Variants in CIMAP2 observed in about 807,000 individuals in gnomAD.
CIMAP2 encodes the protein ciliary microtubule associated protein 2.
the CIMAP2 span, chr1:54,841,946 A>G: frequency 1.7e-4 from 246 of 1,438,184 alleles, no homozygotes; most frequent in African/African-American, 3.1e-3. Flanking sequence ...GGGTGACAGC[A>G]TGGGCATGGG....
the CIMAP2 span, among the ~76,000 whole-genome samples, chr1:54,831,862 CT>C: frequency 2.6e-5 from 4 of 151,386 alleles, no homozygotes; most frequent in South Asian, 4.2e-4. Flanking sequence ...TAACCATGAA[CT>C]TTTTTTTTGA....
the CIMAP2 span, among the ~76,000 whole-genome samples, chr1:54,815,781 G>A: frequency 6.6e-6 from 1 of 152,014 alleles, no homozygotes; most frequent in Non-Finnish European, 1.5e-5. Flanking sequence ...CATAATGGCC[G>A]TAACTATCCC....
At chr1:54,811,673 C>G in the CIMAP2 span, 27,499 of 1,130,798 alleles carry the variant, frequency 0.024, 448 homozygotes, top group Non-Finnish European at 0.029. Context: ...AGGTAGCAAG[C>G]GGACACCCTG....
the CIMAP2 span, among the ~76,000 whole-genome samples, chr1:54,822,011 G>A: frequency 3.2e-5 from 4 of 124,300 alleles, 1 homozygote; most frequent in African/African-American, 5.9e-5. Context: ...CCATTCTCCC[G>A]CCTCAGCCTC....
chr1:54,808,642 A>G, the CIMAP2 span, among the ~76,000 whole-genome samples: 1 of 135,272 alleles, frequency 7.4e-6, no homozygotes. Flanking sequence ...CTTTGACAGG[A>G]AGAGGACCTA....
At chr1:54,811,773 G>GGGGGGGGCGCCCCCCCCCCCCCCCC in the CIMAP2 span, 2 of 1,325,050 alleles carry the variant, frequency 1.5e-6, no homozygotes, top group South Asian at 1.3e-5. Flanking sequence ...CAGCCTCCAT[G>GGGGGGGGCGCCCCCCCCCCCCCCCC]CCCCCACCCC....
At chr1:54,811,765 G>GGGGGGGGGGGGGGGGGGGGGGGCCCCCCC in the CIMAP2 span, 1 of 1,301,332 alleles carries the variant, frequency 7.7e-7, no homozygotes. Flanking sequence ...GGTTCTGACA[G>GGGGGGGGGGGGGGGGGGGGGGGCCCCCCC]CCTCCATGCC....
chr1:54,808,390 T>TTGCAATGTCTCCGCATTG, the CIMAP2 span, among the ~76,000 whole-genome samples: 4 of 152,120 alleles, frequency 2.6e-5, no homozygotes, highest in African/African-American at 9.7e-5. Flanking sequence ...CAACGGAGAC[T>TTGCAATGTCTCCGCATTG]TGCAATGTCT....
the CIMAP2 span, among the ~76,000 whole-genome samples, chr1:54,823,285 C>G: frequency 1.3e-5 from 2 of 151,006 alleles, no homozygotes; most frequent in African/African-American, 4.9e-5. Flanking sequence ...TTGTTATATT[C>G]TTTTGATAAA....
the CIMAP2 span, chr1:54,806,120 AGG>A: frequency 6.5e-7 from 1 of 1,536,142 alleles, no homozygotes; most frequent in Admixed American, 2.0e-5. Context: ...GCCTGCCATG[AGG>A]GAAAGCCAGG....
the CIMAP2 span, among the ~76,000 whole-genome samples, chr1:54,834,836 A>G: frequency 3.3e-5 from 5 of 152,222 alleles, no homozygotes; most frequent in African/African-American, 1.2e-4. Flanking sequence ...TCGGTGCTCA[A>G]AAAGTTTTAG....
the CIMAP2 span, among the ~76,000 whole-genome samples, chr1:54,837,639 G>T: frequency 6.6e-6 from 1 of 152,134 alleles, no homozygotes. Flanking sequence ...CCCACTGGTT[G>T]GGGAGTAGTG....
At chr1:54,815,185 C>T in the CIMAP2 span, 12 of 1,219,384 alleles carry the variant, frequency 9.8e-6, no homozygotes, top group African/African-American at 9.2e-5. Context: ...GAGGTCCACT[C>T]CCACTGTCTT....
chr1:54,819,738 G>C, the CIMAP2 span, among the ~76,000 whole-genome samples: 1 of 150,602 alleles, frequency 6.6e-6, no homozygotes, highest in Non-Finnish European at 1.5e-5. Flanking sequence ...GGCAGGAGTT[G>C]GCAAGTGTCT....
At chr1:54,810,860 C>T in the CIMAP2 span, among the ~76,000 whole-genome samples, 1 of 152,296 alleles carries the variant, frequency 6.6e-6, no homozygotes, top group East Asian at 1.9e-4. Flanking sequence ...TGCCAGTGTC[C>T]ACTCTGTGCC....
At chr1:54,817,058 C>T in the CIMAP2 span, 282 of 1,614,072 alleles carry the variant, frequency 1.7e-4, 1 homozygote, top group Non-Finnish European at 2.2e-4. Flanking sequence ...GCAGCGATAT[C>T]GATCCCTATT....
chr1:54,815,598 C>A, the CIMAP2 span, among the ~76,000 whole-genome samples: 1 of 152,092 alleles, frequency 6.6e-6, no homozygotes, highest in Non-Finnish European at 1.5e-5. Flanking sequence ...CCCAAGTGTG[C>A]GATGTATCTT....
At chr1:54,828,642 TTTTC>T in the CIMAP2 span, among the ~76,000 whole-genome samples, 461 of 152,288 alleles carry the variant, frequency 3.0e-3, 1 homozygote, top group African/African-American at 0.011. Flanking sequence ...GATCCCATTC[TTTTC>T]TTTCTTTTTT....
chr1:54,814,820 G>A, the CIMAP2 span: 3 of 1,552,204 alleles, frequency 1.9e-6, no homozygotes, highest in Non-Finnish European at 2.6e-6. Context: ...TGCTGGATGG[G>A]TGGAGTCAGC....
Sources: allele counts gnomAD v4.1 joint callset (sites outside exome capture counted in the v4.1 genomes callset), GRCh38; gene constraint gnomAD v4.1.1; transcripts MANE v1.5; gene names NCBI Gene and HGNC (gene_info 2026-07-23, HGNC 2026-07-21).